Variants in CPNE1 observed in about 807,000 individuals in gnomAD.
The protein encoded by CPNE1 is copine 1, also known as copine-1.
Under a neutral mutation model 63.2 loss-of-function variants are expected in CPNE1, and 58 were observed. The observed-to-expected ratio is 0.92, with a 90% CI of 0.74 to 1.14. CPNE1 has a LOEUF of 1.14. CPNE1 is among the 50% of genes most tolerant of loss of function. The pLI, the probability that CPNE1 is intolerant of heterozygous loss-of-function variation, is 0.00. For missense variants in CPNE1, 672 were observed against 661.7 expected (o/e 1.02, Z -0.17); for synonymous variants, 237 against 249.0 (o/e 0.95, Z 0.45).
rs762801977 is a variant in CPNE1 at position 35,653,217 on chromosome 20, A to G, written c.-1+11543T>C. 1.4e-5 allele frequency: 23 copies of G among 1,613,304 alleles called. No individual in the cohort carries two copies. The South Asian group carries it at 2.5e-4, about 18-fold the overall frequency. On this transcript the variant is annotated intron_variant, in intron 1 of 15. Coordinates refer to ENST00000397443, the MANE Select transcript of CPNE1 (RefSeq NM_152925.3). ...CTACAGTCAGGAAGGCATGCTCTTCACCTCCTGCACTAGGTATTCCTGCAC... is the reference window on the plus strand; with the variant it reads ...CTACAGTCAGGAAGGCATGCTCTTCGCCTCCTGCACTAGGTATTCCTGCAC...
intron 1 of CPNE1, chr20:35,653,432 G>T (rs1568935410): frequency 2.5e-6 from 4 of 1,614,126 alleles, no homozygotes; most frequent in Non-Finnish European, 2.5e-6. Context: ...TGGGCAGGGG[G>T]ATTTTTCTCA....
At chr20:35,626,915 C>T (rs1397531347) in intron 14 of CPNE1, 112 bp from the exon 15 acceptor site, 16 of 887,588 alleles carry the variant, frequency 1.8e-5, no homozygotes, top group Non-Finnish European at 3.0e-5. Context: ...AGGCCGGGTG[C>T]GATGGCTCAC....
rs769455425 is a variant in CPNE1, at chr20:35,630,927, C to T, written c.969G>A (p.Val323=). The change falls in exon 11 of 16, where the codon GTG becomes GTA. Residue 323 remains valine (V), a synonymous_variant. Coordinates refer to ENST00000397443, the MANE Select transcript of CPNE1 (RefSeq NM_152925.3). ...AGTCATAGTCCTGAACCACGCTGCC[C>T]ACACTCCACAGTGCCATCAGGTACT... ...VNEYLMALWS[V]GSVVQDYDSD... 1 of 1,611,324 alleles carries T rather than the reference C, an allele frequency of 6.2e-7. No homozygotes were observed.
intron 1 of CPNE1, chr20:35,652,684 T>C: frequency 6.2e-7 from 1 of 1,614,156 alleles, no homozygotes; most frequent in East Asian, 2.2e-5. Flanking sequence ...TGGGATTACT[T>C]GATAGCCATA....
intron 1 of CPNE1, among the ~76,000 whole-genome samples, chr20:35,646,516 C>T (rs1027957992): frequency 4.6e-5 from 7 of 151,832 alleles, no homozygotes; most frequent in African/African-American, 1.7e-4. Context: ...ACCCACCACA[C>T]CCAGCCTGAC....
chr20:35,632,137 T>C (rs774423678), intron 5 of CPNE1, 26 bp downstream of exon 5: 1 of 1,611,912 alleles, frequency 6.2e-7, no homozygotes, highest in Non-Finnish European at 8.5e-7. Flanking sequence ...AACTCTTGGA[T>C]TACCAGGGCC....
intron 1 of CPNE1, chr20:35,655,226 C>T (rs1184014451): frequency 6.2e-7 from 1 of 1,614,068 alleles, no homozygotes; most frequent in Non-Finnish European, 8.5e-7. Flanking sequence ...ACAATATGCA[C>T]GCCCCCATCA....
Position 35,642,325 on chromosome 20 carries a change from G to A in CPNE1, c.1-9402C>T, listed in dbSNP as rs538084294. ...TATCCACCCCAGGTAATGACCAGAA[G>A]TTGTACAGAGGCTGCAAGAAGGTGG... On this transcript the variant is annotated intron_variant, in intron 1 of 15. Transcript: ENST00000397443. Among the ~76,000 whole-genome samples the A allele has an allele frequency of 2.0e-5, 3 of 152,286 alleles. No homozygotes were observed. The South Asian group carries it at 6.2e-4, about 32-fold the overall frequency.
chr20:35,656,681 T>TG (rs1225108141), intron 1 of CPNE1, among the ~76,000 whole-genome samples: 1 of 152,176 alleles, frequency 6.6e-6, no homozygotes, highest in Non-Finnish European at 1.5e-5. Context: ...ATTACAGGCA[T>TG]GCGCCACCAT....
chr20:35,648,770 A>T (rs1199297608), intron 1 of CPNE1, among the ~76,000 whole-genome samples: 1 of 152,214 alleles, frequency 6.6e-6, no homozygotes, highest in African/African-American at 2.4e-5. Flanking sequence ...TTCTCTTGAC[A>T]CTTCAGCATT....
In CPNE1 at chr20:35,626,958, CA is replaced by C. The variant is rs1481721495; in HGVS notation, c.1237-156del. The C allele has an allele frequency of 5.8e-6, 4 of 693,882 alleles. No individual in the cohort carries two copies. The African/African-American group carries it at 7.0e-5, about 12-fold the overall frequency. 43.0% of individuals were successfully genotyped at this position (693,882 alleles called of 1,614,324 possible). ...ATCCCAGCACTTTGGGAGGCTAAGG[CA>C]GGCGGATCACTTGAGGTCAGGAGTT... On this transcript the variant is annotated intron_variant, in intron 14 of 15. Transcript: ENST00000397443.
intron 1 of CPNE1, among the ~76,000 whole-genome samples, chr20:35,633,722 G>A (rs1461067878): frequency 1.3e-5 from 2 of 152,128 alleles, no homozygotes; most frequent in Admixed American, 6.5e-5. Flanking sequence ...GGAGGCCAAG[G>A]TGGGCAGATC....
At chr20:35,642,095 C>T (rs751926923) in intron 1 of CPNE1, among the ~76,000 whole-genome samples, 1 of 152,174 alleles carries the variant, frequency 6.6e-6, no homozygotes, top group African/African-American at 2.4e-5. Context: ...GAGTAACTTG[C>T]CCTTCATTTT....
chr20:35,626,782 G>A lies in CPNE1; in HGVS notation c.1258C>T (p.Leu420=). Reference sequence around the variant, plus strand: ...ACATCCGTCACAGCACCATCAGTCAGCAGCAACAGCATGAAGTATTGCTGG... The same window carrying A: ...ACATCCGTCACAGCACCATCAGTCAACAGCAACAGCATGAAGTATTGCTGG... ...TASQYFMLLL[L]TDGAVTDVEA... Residue 420 remains leucine, a synonymous_variant, in exon 15 of 16, where the codon CTG becomes TTG. Coordinates refer to ENST00000397443, the MANE Select transcript of CPNE1 (RefSeq NM_152925.3). 1 of 1,614,058 alleles carries A rather than the reference G, an allele frequency of 6.2e-7. No homozygotes were observed. The highest frequency in any genetic ancestry group is 1.6e-4 in the Middle Eastern group (1 of 6,062).
Position 35,626,401 on chromosome 20 carries a change from G to A in CPNE1, c.1474-20C>T. 1 of 1,613,108 alleles carries A rather than the reference G, an allele frequency of 6.2e-7. No homozygotes were observed. Among genetic ancestry groups the A allele is most frequent in the Non-Finnish European group, 8.5e-7 (1 of 1,179,250 alleles). On this transcript the variant is annotated intron_variant, in intron 15 of 15. Transcript: ENST00000397443. Reference sequence around the variant, plus strand: ...AGGGGCCTGCCAAGAAAAGGGAAAAGTCAGTGGTGGCCCAGAACAGCTGCC... The same window carrying A: ...AGGGGCCTGCCAAGAAAAGGGAAAAATCAGTGGTGGCCCAGAACAGCTGCC...
intron 1 of CPNE1, among the ~76,000 whole-genome samples, chr20:35,642,524 T>G (rs1009541012): frequency 6.6e-5 from 10 of 152,198 alleles, no homozygotes; most frequent in Non-Finnish European, 1.3e-4. Flanking sequence ...CATGGAACAT[T>G]GTTTCCCGTA....
intron 1 of CPNE1, among the ~76,000 whole-genome samples, chr20:35,642,532 G>GT (rs1333054883): frequency 2.6e-5 from 4 of 152,190 alleles, no homozygotes; most frequent in African/African-American, 9.7e-5. Context: ...ATTGTTTCCC[G>GT]TAAGACTGAA....
chr20:35,654,435 T>C, intron 1 of CPNE1: 2 of 1,613,870 alleles, frequency 1.2e-6, no homozygotes, highest in Non-Finnish European at 1.7e-6. Flanking sequence ...TGATGGGGAG[T>C]GGCTTCACAC....
At chr20:35,633,701 C>T (rs1325870449) in intron 1 of CPNE1, among the ~76,000 whole-genome samples, 1 of 152,144 alleles carries the variant, frequency 6.6e-6, no homozygotes, top group Non-Finnish European at 1.5e-5. Flanking sequence ...GCCTGTAATC[C>T]TGGCACTTTG....
Sources: gnomAD v4.1 joint callset for allele counts (sites outside exome capture counted in the v4.1 genomes callset) on GRCh38, gnomAD v4.1.1 for gene constraint, MANE v1.5 for transcripts, NCBI Gene and HGNC (gene_info 2026-07-23, HGNC 2026-07-21) for gene names.